The following ANKEF1 variants were observed in gnomAD, a reference collection of about 807,000 sequenced individuals.
The protein encoded by ANKEF1 is ankyrin repeat and EF-hand domain-containing protein 1.
A neutral mutation model predicts 65.1 loss-of-function variants in ANKEF1; 43 were observed. The observed-to-expected ratio is 0.66, with a 90% confidence interval of 0.52 to 0.85. The LOEUF (loss-of-function observed/expected upper bound fraction) is 0.85, where lower values mean the gene tolerates loss of function less well. Among genes scored for constraint, ANKEF1 ranks in the 40% least tolerant of loss-of-function variants. The pLI, the probability that ANKEF1 is intolerant of heterozygous loss-of-function variation, is 0.00. For synonymous variants in ANKEF1, 316 were observed against 341.5 expected (o/e 0.93, Z 0.82); for missense variants, 934 against 952.9 (o/e 0.98, Z 0.26).
Position 10,038,557 on chromosome 20 carries a change from A to G in ANKEF1, c.256A>G (p.Met86Val), listed in dbSNP as rs747235271. 5.6e-6 allele frequency: 9 copies of G among 1,614,216 alleles called. No homozygotes were observed. The East Asian group carries it at 6.7e-5, about 12-fold the overall frequency. The stretch of plus-strand genomic sequence containing the variant: ...AGACCGAATGGGCTGTACTCCCACA[A>G]TGAGGGCTGCAGAACTGGGCCATGA... The part of the protein sequence containing the change: ...VQDRMGCTPT[M>V]RAAELGHELS... Residue 86 changes from methionine (M) to valine (V), a missense_variant, in exon 3 of 11, where the codon ATG (methionine) becomes GTG (valine). By Grantham distance (21) the Met-to-Val change is conservative (BLOSUM62 1). Coordinates refer to ENST00000378392, the MANE Select transcript of ANKEF1 (RefSeq NM_022096.6).
In ANKEF1 at chr20:10,053,265, A is replaced by G. The variant is rs1984971264; in HGVS notation, c.2024A>G (p.Lys675Arg). The change falls in exon 9 of 11, where the codon AAG (lysine) becomes AGG (arginine). Residue 675 changes from lysine to arginine, a missense_variant. By Grantham distance (26) the Lys-to-Arg change is conservative. Coordinates refer to ENST00000378392, the MANE Select transcript of ANKEF1 (RefSeq NM_022096.6). Reference sequence around the variant, plus strand: ...CTGAAGACTGAAGGCCCTGAAATTAAGAAAGAAGAGGTAAGAAAAATGGTT... The same window carrying G: ...CTGAAGACTGAAGGCCCTGAAATTAGGAAAGAAGAGGTAAGAAAAATGGTT... ...PILKTEGPEI[K>R]KEEELLSSIY... 6 of 1,589,660 alleles carry G rather than the reference A, an allele frequency of 3.8e-6. No individual in the cohort carries two copies. The highest frequency in any genetic ancestry group is 5.1e-6 in the Non-Finnish European group (6 of 1,173,666).
chr20:10,043,654 T>C (rs1984335248), intron 4 of ANKEF1, among the ~76,000 whole-genome samples: 1 of 43,258 alleles, frequency 2.3e-5, no homozygotes, highest in African/African-American at 1.5e-4. Context: ...TTCTTTTCCT[T>C]TTTTTTTTTT....
At chr20:10,049,056 A>G (rs1418927266) in intron 6 of ANKEF1, among the ~76,000 whole-genome samples, 1 of 152,226 alleles carries the variant, frequency 6.6e-6, no homozygotes, top group Non-Finnish European at 1.5e-5. Flanking sequence ...ATTTAAATGT[A>G]TCCTTGCTCT....
chr20:10,038,306 C>T lies in ANKEF1; in HGVS notation c.5C>T (p.Ala2Val), dbSNP rs139625015. The T allele has an allele frequency of 4.1e-4, 636 of 1,544,028 alleles. 2 individuals are homozygous for T. The highest frequency in any genetic ancestry group is 4.9e-4 in the Non-Finnish European group (562 of 1,137,892). The change falls in exon 3 of 11, where the codon GCT (alanine) becomes GTT (valine). Residue 2 changes from alanine to valine, a missense_variant. By Grantham distance (64) the Ala-to-Val change is moderately conservative (BLOSUM62 0). Transcript: ENST00000378392. Reference protein sequence around the residue: MALADKRLENLQ... With the variant: MVLADKRLENLQ... ...TTTTCAAGGAGCTGGTCAAGCATGG[C>T]TTTAGCAGATAAGAGACTTGAGAAC...
intron 3 of ANKEF1, among the ~76,000 whole-genome samples, chr20:10,041,154 A>G (rs1984165045): frequency 6.6e-6 from 1 of 151,932 alleles, no homozygotes; most frequent in African/African-American, 2.4e-5. Flanking sequence ...GGCAAAATAT[A>G]TCTAATATAT....
intron 3 of ANKEF1, among the ~76,000 whole-genome samples, chr20:10,040,982 G>T (rs1984153838): frequency 6.6e-6 from 1 of 150,644 alleles, no homozygotes; most frequent in Non-Finnish European, 1.5e-5. Context: ...ACTGTTCTGA[G>T]TAACCCTACT....
Position 10,047,570 on chromosome 20 carries a change from C to T in ANKEF1, c.821-1820C>T, listed in dbSNP as rs566132602. Among the ~76,000 whole-genome samples the T allele has an allele frequency of 9.2e-5, 14 of 152,268 alleles. No individual in the cohort carries two copies. In the South Asian group the frequency reaches 2.7e-3, roughly 29 times the overall value. On this transcript the variant is annotated intron_variant, in intron 6 of 10. Transcript: ENST00000378392. ...ACATTTCCTCATGATGGTCCTCTTT[C>T]GCCCCCTCGTCCCCCTGCTGGAGCA...
At chr20:10,045,493 A>G in intron 5 of ANKEF1, 81 bp from the exon 6 acceptor site, 1 of 1,424,872 alleles carries the variant, frequency 7.0e-7, no homozygotes. Context: ...ATTGTACTGG[A>G]TAGTGCCGGT....
chr20:10,047,111 C>T lies in ANKEF1; in HGVS notation c.820+1414C>T, dbSNP rs13042685. 8.8e-3 allele frequency among the ~76,000 whole-genome samples: 1,346 copies of T among 152,230 alleles called. 7 individuals carry two copies. Among genetic ancestry groups the T allele is most frequent in the Non-Finnish European group, 0.014 (977 of 67,996 alleles). ...AATTTCTTTAACTTTAATATGTTGACTTATTTCTTATTGGGACAAATATCA... is the reference window on the plus strand; with the variant it reads ...AATTTCTTTAACTTTAATATGTTGATTTATTTCTTATTGGGACAAATATCA... On this transcript the variant is annotated intron_variant, in intron 6 of 10. Coordinates refer to ENST00000378392, the MANE Select transcript of ANKEF1 (RefSeq NM_022096.6).
chr20:10,053,365 T>TA, intron 9 of ANKEF1, 90 bp downstream of exon 9: 3 of 1,164,258 alleles, frequency 2.6e-6, no homozygotes, highest in South Asian at 1.6e-5. Context: ...CATATTGTTA[T>TA]ACAACATGGG....
At chr20:10,039,564 A>G (rs1600509034) in intron 3 of ANKEF1, among the ~76,000 whole-genome samples, 2 of 152,364 alleles carry the variant, frequency 1.3e-5, no homozygotes, top group South Asian at 4.1e-4. Context: ...GGATAATTAC[A>G]TATTTAATTG....
intron 3 of ANKEF1, 67 bp from the exon 4 acceptor site, chr20:10,043,055 T>G (rs1409551622): frequency 1.3e-6 from 2 of 1,496,358 alleles, no homozygotes; most frequent in Non-Finnish European, 1.8e-6. Context: ...TTTTAATAAT[T>G]TTACTTTCCT....
At chr20:10,038,691 G>T (rs1271531102) in intron 3 of ANKEF1, 44 bp downstream of exon 3, 36 of 1,440,428 alleles carry the variant, frequency 2.5e-5, no homozygotes, top group Non-Finnish European at 3.4e-5. Flanking sequence ...AATTCATTTT[G>T]TAGCCAGAAA....
At chr20:10,040,360 A>C (rs545209337) in intron 3 of ANKEF1, among the ~76,000 whole-genome samples, 5 of 152,320 alleles carry the variant, frequency 3.3e-5, no homozygotes, top group African/African-American at 9.6e-5. Flanking sequence ...TGTTTGACTC[A>C]CTGTACATCG....
At chr20:10,054,298 A>C (rs987404734) in intron 9 of ANKEF1, among the ~76,000 whole-genome samples, 164 bp from the exon 10 acceptor site, 6 of 152,220 alleles carry the variant, frequency 3.9e-5, no homozygotes, top group African/African-American at 1.4e-4. Flanking sequence ...ATCTCTCCCC[A>C]TCCCCAAAGT....
intron 3 of ANKEF1, 150 bp from the exon 4 acceptor site, chr20:10,042,972 T>A (rs937643868): frequency 1.3e-5 from 9 of 716,176 alleles, no homozygotes; most frequent in Admixed American, 3.0e-5. Flanking sequence ...TTTTTTGTTT[T>A]CTGTCTTGGT....
At position 10,038,351 on chromosome 20, in the gene ANKEF1, T is replaced by C. The variant is rs769644539; in HGVS notation, c.50T>C (p.Leu17Pro). ...GAGAACTTACAGATCTACAAAGTTC[T>C]TCAATGTGTGCGGAACAAAGACAAG... ...RLENLQIYKV[L>P]QCVRNKDKKQ... is the part of the protein sequence containing the mutation. Residue 17 changes from leucine (L) to proline (P), a missense_variant, in exon 3 of 11, where the codon CTT becomes CCT. Leu to Pro is a moderately conservative substitution (Grantham distance 98). Transcript: ENST00000378392. 1.2e-6 allele frequency: 2 copies of C among 1,604,684 alleles called. No individual in the cohort carries two copies.
intron 6 of ANKEF1, among the ~76,000 whole-genome samples, chr20:10,047,043 A>G (rs985392862): frequency 6.6e-6 from 1 of 152,234 alleles, no homozygotes; most frequent in African/African-American, 2.4e-5. Context: ...CAGATTTAAC[A>G]TTATGTATTT....
intron 10 of ANKEF1, among the ~76,000 whole-genome samples, 166 bp downstream of exon 10, chr20:10,054,765 C>T: frequency 6.6e-6 from 1 of 152,090 alleles, no homozygotes; most frequent in Admixed American, 6.6e-5. Flanking sequence ...CTCAGTATGC[C>T]CAAGTGATAG....
Sources: gnomAD v4.1 joint callset for allele counts (sites outside exome capture counted in the v4.1 genomes callset) on GRCh38, gnomAD v4.1.1 for gene constraint, MANE v1.5 for transcripts, NCBI Gene and HGNC (gene_info 2026-07-23, HGNC 2026-07-21) for gene names.